Variants in SLC26A5 observed in about 807,000 individuals in gnomAD.
SLC26A5 encodes prestin.
A neutral mutation model predicts 81.0 loss-of-function variants in SLC26A5; 51 were observed. That is an observed-to-expected ratio of 0.63 (90% CI 0.50 to 0.80). SLC26A5 has a LOEUF of 0.80. Ranked by LOEUF, SLC26A5 falls within the 30% of genes least tolerant of loss-of-function variation. SLC26A5 has a pLI of 0.00. For synonymous variants in SLC26A5, 325 were observed against 332.8 expected, an observed-to-expected ratio of 0.98 and a Z score of 0.25; for missense variants, 771 against 905.8, an observed-to-expected ratio of 0.85 and a Z score of 1.91.
At chr7:103,379,073 T>G (rs1821578884) in intron 16 of SLC26A5, among the ~76,000 whole-genome samples, 170 bp downstream of exon 16, 2 of 152,160 alleles carry the variant, frequency 1.3e-5, no homozygotes, top group Admixed American at 6.5e-5. Flanking sequence ...ACTGTATACT[T>G]TGAAAATGCT....
intron 14 of SLC26A5, among the ~76,000 whole-genome samples, chr7:103,386,441 C>T (rs540469375): frequency 1.3e-5 from 2 of 151,888 alleles, no homozygotes; most frequent in East Asian, 4.0e-4. Flanking sequence ...GTGGCACGCG[C>T]CTGTAGTCTC....
chr7:103,353,600 C>T (rs976231618), intron 19 of SLC26A5, among the ~76,000 whole-genome samples: 6 of 152,182 alleles, frequency 3.9e-5, no homozygotes, highest in African/African-American at 1.4e-4. Context: ...AGCCACCGCA[C>T]GGGGCCTGCA....
Position 103,377,664 on chromosome 7 carries a change from T to G in SLC26A5, c.1921A>C (p.Thr641Pro). Residue 641 changes from threonine (T) to proline (P), a missense_variant, in exon 18 of 20, where the codon ACT becomes CCT. Coordinates refer to ENST00000306312, the MANE Select transcript of SLC26A5 (RefSeq NM_198999.3). ...ACTTGAGTGAAATCCAAAATGACAG[T>G]GTGGACGTTATCCCCTGGGGGCATA... ...RFMPPGDNVH[T>P]VILDFTQVNF... 1 of 1,614,120 alleles carries G rather than the reference T, an allele frequency of 6.2e-7. No individual in the cohort carries two copies. The highest frequency in any genetic ancestry group is 8.5e-7 in the Non-Finnish European group (1 of 1,180,004).
chr7:103,420,281 C>T (rs1825236397), intron 4 of SLC26A5, among the ~76,000 whole-genome samples: 2 of 149,478 alleles, frequency 1.3e-5, no homozygotes, highest in Non-Finnish European at 3.0e-5. Flanking sequence ...CTATTAATAT[C>T]CCTGGAGCTT....
At chr7:103,431,861 T>C (rs1826104795) in intron 2 of SLC26A5, among the ~76,000 whole-genome samples, 1 of 122,534 alleles carries the variant, frequency 8.2e-6, no homozygotes, top group Non-Finnish European at 1.5e-5. Flanking sequence ...AATAAAATTA[T>C]ATGGCTTTTT....
exon 20 of SLC26A5, chr7:103,352,767 C>CA (rs1819793550): frequency 1.3e-6 from 1 of 751,120 alleles, no homozygotes; most frequent in Non-Finnish European, 2.5e-6. Context: ...AAAGAGAAAA[C>CA]AAAGTTCAGA....
chr7:103,433,615 C>T (rs996804146), intron 2 of SLC26A5: 8 of 151,988 alleles, frequency 5.3e-5, no homozygotes, highest in African/African-American at 1.5e-4. Flanking sequence ...CTACTTCTAC[C>T]TATAAAAGGA....
rs533795525 is a variant in SLC26A5 at position 103,414,742 on chromosome 7, T to G, written c.293-1630A>C. Among the ~76,000 whole-genome samples, 8 of 152,328 alleles carry G rather than the reference T, an allele frequency of 5.3e-5. No individual in the cohort carries two copies. The South Asian group carries it at 1.7e-3, about 32-fold the overall frequency. On this transcript the variant is annotated intron_variant, in intron 4 of 19. Transcript: ENST00000306312. ...ATAAACATCCATGTGCAGGTTCACT[T>G]GAAAGTTTTTTAAAAACTAGTTTTT...
At chr7:103,409,843 G>T (rs1324703820) in intron 7 of SLC26A5, among the ~76,000 whole-genome samples, 1 of 151,922 alleles carries the variant, frequency 6.6e-6, no homozygotes, top group Non-Finnish European at 1.5e-5. Flanking sequence ...GAGTAGCTGG[G>T]ATCACAGGTG....
Position 103,436,941 on chromosome 7 carries a change from T to C in SLC26A5, c.-54+6142A>G, listed in dbSNP as rs568953712. On this transcript the variant is annotated intron_variant, in intron 2 of 19. Transcript: ENST00000306312. ...GACAACAAAAGCAAAAACAGACAAATGGAATGGCATCAAACTAAGGCTCTG... is the reference window on the plus strand; with the variant it reads ...GACAACAAAAGCAAAAACAGACAAACGGAATGGCATCAAACTAAGGCTCTG... 2.0e-3 allele frequency among the ~76,000 whole-genome samples: 310 copies of C among 152,132 alleles called. 2 individuals are homozygous for C. Among genetic ancestry groups the C allele is most frequent in the African/African-American group, 7.3e-3 (303 of 41,516 alleles).
At chr7:103,356,834 A>C (rs1820061485) in intron 19 of SLC26A5, among the ~76,000 whole-genome samples, 1 of 151,980 alleles carries the variant, frequency 6.6e-6, no homozygotes, top group Non-Finnish European at 1.5e-5. Flanking sequence ...GCTTAGAAAA[A>C]CCTAGCCCAA....
intron 19 of SLC26A5, chr7:103,355,587 C>A: frequency 1.2e-6 from 1 of 819,094 alleles, no homozygotes; most frequent in Non-Finnish European, 2.0e-6. Flanking sequence ...TGATAGTCCT[C>A]ACAATGAATG....
intron 4 of SLC26A5, among the ~76,000 whole-genome samples, chr7:103,413,688 G>C (rs1392191279): frequency 6.6e-6 from 1 of 152,154 alleles, no homozygotes; most frequent in Non-Finnish European, 1.5e-5. Flanking sequence ...CAATGGGAAA[G>C]CTTGACATTT....
chr7:103,355,960 C>T (rs1405967233), intron 19 of SLC26A5, among the ~76,000 whole-genome samples: 1 of 152,148 alleles, frequency 6.6e-6, no homozygotes, highest in Non-Finnish European at 1.5e-5. Context: ...TTAAACAATT[C>T]TTCAAAAATA....
chr7:103,388,760 T>C (rs1822408277), intron 14 of SLC26A5: 1 of 424,054 alleles, frequency 2.4e-6, no homozygotes, highest in Non-Finnish European at 4.5e-6. Flanking sequence ...TTAGGCTCTT[T>C]TAACATAACC....
rs762833771 is a variant in SLC26A5, at chr7:103,392,927, C to T, written c.1111G>A (p.Gly371Ser). 2.8e-5 allele frequency: 45 copies of T among 1,613,880 alleles called. No homozygotes were observed. Among genetic ancestry groups the T allele is most frequent in the African/African-American group, 2.7e-5 (2 of 74,912 alleles). The change falls in exon 10 of 20, where the codon GGC becomes AGC. Residue 371 changes from glycine (G) to serine (S), a missense_variant. Transcript: ENST00000306312. ...LANKHGYQVDGNQELIALGLC... is the reference protein window; with the variant it reads ...LANKHGYQVDSNQELIALGLC... ...AAACTGATTATCTTTACCTGATTGC[C>T]GTCAACCTGGTAGCCATGTTTATTT... is the stretch of plus-strand genomic sequence containing the variant.
intron 14 of SLC26A5, among the ~76,000 whole-genome samples, chr7:103,384,734 C>T (rs1010913524): frequency 6.6e-6 from 1 of 152,200 alleles, no homozygotes; most frequent in Non-Finnish European, 1.5e-5. Flanking sequence ...GCTTCAGCTT[C>T]CACATCTGTG....
Position 103,385,668 on chromosome 7 carries a change from G to C in SLC26A5, c.1514+3340C>G, listed in dbSNP as rs74776479. 2.0e-5 allele frequency among the ~76,000 whole-genome samples: 3 copies of C among 151,482 alleles called. No homozygotes were observed. The East Asian group carries it at 5.8e-4, about 29-fold the overall frequency. ...AGTTAACTATTATTTGAGGAAGAAA[G>C]AGAAGTAGAGCTTTTATTTTTTTCT... On this transcript the variant is annotated intron_variant, in intron 14 of 19. Transcript: ENST00000306312.
chr7:103,360,617 A>G (rs1040067650), intron 19 of SLC26A5, among the ~76,000 whole-genome samples: 5 of 152,046 alleles, frequency 3.3e-5, no homozygotes, highest in East Asian at 1.9e-4. Context: ...TCCACAGGCT[A>G]TTTTTGTATT....
Sources: gnomAD v4.1 joint callset for allele counts (sites outside exome capture counted in the v4.1 genomes callset) on GRCh38, gnomAD v4.1.1 for gene constraint, MANE v1.5 for transcripts, NCBI Gene and HGNC (gene_info 2026-07-23, HGNC 2026-07-21) for gene names.